Variants in SPHKAP observed in about 807,000 individuals in gnomAD.
SPHKAP encodes the protein A-kinase anchor protein SPHKAP.
Under a neutral mutation model 137.5 loss-of-function variants are expected in SPHKAP, and 67 were observed. The observed-to-expected ratio is 0.49, with a 90% CI of 0.40 to 0.60. The LOEUF is 0.60. SPHKAP is among the 20% of genes least tolerant of loss of function. The pLI, the probability that SPHKAP is intolerant of heterozygous loss-of-function variation, is 0.00. For missense variants in SPHKAP, 2,097 were observed against 2,069.3 expected (o/e 1.01, Z -0.26); for synonymous variants, 813 against 785.3 (o/e 1.04, Z -0.59).
chr2:228,022,046 A>G, intron 5 of SPHKAP, 80 bp from the exon 6 acceptor site: 1 of 1,463,742 alleles, frequency 6.8e-7, no homozygotes. Context: ...CTTTTCCACC[A>G]AGCTCTCCTG....
chr2:227,991,520 GTCC>G (rs1219710099), intron 9 of SPHKAP, 194 bp from the exon 10 acceptor site: 3 of 985,278 alleles, frequency 3.0e-6, no homozygotes, highest in African/African-American at 1.7e-5. Flanking sequence ...TGCAATAAAT[GTCC>G]TCCTCCAACA....
At chr2:227,989,945 C>A (rs115153143) in intron 11 of SPHKAP, among the ~76,000 whole-genome samples, 14,435 of 152,010 alleles carry the variant, frequency 0.095, 757 homozygotes, top group Middle Eastern at 0.21. Context: ...AAAGACAGAG[C>A]TTTTTCTGGC....
At chr2:228,111,162 G>A (rs1197196552) in intron 2 of SPHKAP, among the ~76,000 whole-genome samples, 4 of 152,126 alleles carry the variant, frequency 2.6e-5, no homozygotes, top group African/African-American at 4.8e-5. Context: ...CCATTCACAT[G>A]CCTTTCCCTT....
intron 3 of SPHKAP, among the ~76,000 whole-genome samples, chr2:228,048,837 T>C (rs978668834): frequency 1.3e-5 from 2 of 152,202 alleles, no homozygotes; most frequent in African/African-American, 4.8e-5. Context: ...GCCCTCTTTT[T>C]ATTGGGGTTG....
chr2:228,078,834 C>T (rs1445771067), intron 3 of SPHKAP, among the ~76,000 whole-genome samples: 1 of 152,154 alleles, frequency 6.6e-6, no homozygotes, highest in Non-Finnish European at 1.5e-5. Context: ...GAGCACCAGC[C>T]TTTGCCTCAG....
intron 3 of SPHKAP, among the ~76,000 whole-genome samples, chr2:228,108,149 C>A (rs1242103972): frequency 6.6e-6 from 1 of 152,170 alleles, no homozygotes; most frequent in African/African-American, 2.4e-5. Context: ...TTTGGAAACA[C>A]TCTCCCCCAA....
In SPHKAP at chr2:228,017,212, C is replaced by G. The variant is rs1694637721; in HGVS notation, c.3642G>C (p.Arg1214=). 5 of 1,613,950 alleles carry G rather than the reference C, an allele frequency of 3.1e-6. No homozygotes were observed. Among genetic ancestry groups the G allele is most frequent in the African/African-American group, 2.7e-5 (2 of 75,022 alleles). Reference sequence around the variant, plus strand: ...GGCCGGCTGTCCAATCCTGGCTGCTCCGTCTGGAGGAGGCACTTTCTCTGC... The same window carrying G: ...GGCCGGCTGTCCAATCCTGGCTGCTGCGTCTGGAGGAGGCACTTTCTCTGC... ...RDSRESASSR[R]SSQDWTAGLL... Residue 1214 remains arginine (R), a synonymous_variant, in exon 7 of 12, where the codon CGG becomes CGC. Coordinates refer to ENST00000392056, the MANE Select transcript of SPHKAP (RefSeq NM_001142644.2).
Position 227,991,023 on chromosome 2 carries a change from A to G in SPHKAP, c.4936T>C (p.Ser1646Pro), listed in dbSNP as rs548481001. 4 of 1,614,078 alleles carry G rather than the reference A, an allele frequency of 2.5e-6. No homozygotes were observed. The South Asian group carries it at 4.4e-5, about 18-fold the overall frequency. ...ACCTTTTCAATTCTGTTTTCCTGAG[A>G]TTTCTTAAAGTAGATGGTGGGAATC... is the stretch of plus-strand genomic sequence containing the variant. ...LGIPTIYFKK[S>P]QENRIEKFLD... Residue 1646 changes from serine (S) to proline (P), a missense_variant, in exon 11 of 12, where the codon TCT (serine) becomes CCT (proline). Coordinates refer to ENST00000392056, the MANE Select transcript of SPHKAP (RefSeq NM_001142644.2).
At chr2:228,044,682 AAAAC>A (rs533960913) in intron 3 of SPHKAP, among the ~76,000 whole-genome samples, 172 of 152,354 alleles carry the variant, frequency 1.1e-3, no homozygotes, top group African/African-American at 3.8e-3. Flanking sequence ...TAATTGGAGA[AAAAC>A]AAAACAAAAT....
Position 228,018,065 on chromosome 2 carries a change from G to A in SPHKAP, c.2789C>T (p.Ala930Val), listed in dbSNP as rs1284820389. ...HPDIYCITDF[A>V]EELADTVVSM... ...GACGACCGTGTCTGCTAATTCTTCC[G>A]CAAAGTCTGTAATGCAGTAGATGTC... Residue 930 changes from alanine (A) to valine (V), a missense_variant, in exon 7 of 12, where the codon GCG (alanine) becomes GTG (valine). Coordinates refer to ENST00000392056, the MANE Select transcript of SPHKAP (RefSeq NM_001142644.2). 5.6e-6 allele frequency: 9 copies of A among 1,613,982 alleles called. No homozygotes were observed. The highest frequency in any genetic ancestry group is 5.3e-5 in the African/African-American group (4 of 74,904).
chr2:228,026,241 T>G (rs1695031517), intron 4 of SPHKAP, among the ~76,000 whole-genome samples: 1 of 152,188 alleles, frequency 6.6e-6, no homozygotes, highest in African/African-American at 2.4e-5. Context: ...AATTGCCCAG[T>G]ATCGGGTATG....
intron 3 of SPHKAP, among the ~76,000 whole-genome samples, chr2:228,065,981 A>G (rs1424381983): frequency 6.6e-6 from 1 of 152,200 alleles, no homozygotes; most frequent in Non-Finnish European, 1.5e-5. Flanking sequence ...TCAGAACAAT[A>G]CAAGTGAGAG....
chr2:228,103,629 A>G (rs12479220), intron 3 of SPHKAP, among the ~76,000 whole-genome samples: 40,229 of 152,056 alleles, frequency 0.26, 5,556 homozygotes, highest in Admixed American at 0.36. Flanking sequence ...CTTGATGCTT[A>G]AACTGATTCC....
chr2:228,095,297 A>G (rs1697946853), intron 3 of SPHKAP, among the ~76,000 whole-genome samples: 1 of 152,198 alleles, frequency 6.6e-6, no homozygotes, highest in African/African-American at 2.4e-5. Context: ...GGCTGAAACC[A>G]GGGGATATGG....
chr2:228,020,210 A>T, intron 6 of SPHKAP, 54 bp from the exon 7 acceptor site: 1 of 1,520,686 alleles, frequency 6.6e-7, no homozygotes, highest in Non-Finnish European at 8.7e-7. Context: ...AGGTTACCAT[A>T]AGTCTTAAGT....
chr2:228,017,939 G>T lies in SPHKAP; in HGVS notation c.2915C>A (p.Pro972His). The change falls in exon 7 of 12, where the codon CCC (proline) becomes CAC (histidine). Residue 972 changes from proline (P) to histidine (H), a missense_variant. Pro to His is a moderately conservative substitution (Grantham distance 77). Coordinates refer to ENST00000392056, the MANE Select transcript of SPHKAP (RefSeq NM_001142644.2). ...CTTCAAGGATCGGCAGGGTACGTTG[G>T]GTGTCATCAGAAACTCACTCCCTCT... is the stretch of plus-strand genomic sequence containing the variant. Reference protein sequence around the residue: ...WKRGSEFLMTPNVPCRSLKRK... With the variant: ...WKRGSEFLMTHNVPCRSLKRK... 6.2e-7 allele frequency: 1 copy of T among 1,614,046 alleles called. No homozygotes were observed. Among genetic ancestry groups the T allele is most frequent in the Non-Finnish European group, 8.5e-7 (1 of 1,180,012 alleles).
intron 1 of SPHKAP, among the ~76,000 whole-genome samples, chr2:228,177,650 G>C (rs1700781926): frequency 6.6e-6 from 1 of 152,032 alleles, no homozygotes; most frequent in Admixed American, 6.5e-5. Context: ...ATACAGTATT[G>C]GGTTGTTTGT....
intron 4 of SPHKAP, among the ~76,000 whole-genome samples, chr2:228,026,992 A>G (rs1695065866): frequency 6.6e-6 from 1 of 152,224 alleles, no homozygotes; most frequent in Non-Finnish European, 1.5e-5. Flanking sequence ...CTCTTGTTCC[A>G]GAGGACTGAA....
At chr2:228,067,826 C>T (rs1696876979) in intron 3 of SPHKAP, among the ~76,000 whole-genome samples, 1 of 151,988 alleles carries the variant, frequency 6.6e-6, no homozygotes, top group Non-Finnish European at 1.5e-5. Flanking sequence ...ATCTGTGGGT[C>T]CCTATCACGT....
Sources: allele counts gnomAD v4.1 joint callset (sites outside exome capture counted in the v4.1 genomes callset), GRCh38; gene constraint gnomAD v4.1.1; transcripts MANE v1.5; gene names NCBI Gene and HGNC (gene_info 2026-07-23, HGNC 2026-07-21).